Variants in SEZ6L observed in about 807,000 individuals in gnomAD.
The protein encoded by SEZ6L is seizure related 6 homolog like.
In SEZ6L, 37 loss-of-function variants were observed where a neutral mutation model predicts 106.2. That is an observed-to-expected ratio of 0.35 (90% CI 0.27 to 0.46). The LOEUF is 0.46. Among genes scored for constraint, SEZ6L ranks in the 20% least tolerant of loss-of-function variants. The probability of loss-of-function intolerance (pLI) is 1.00; values close to 1 mark genes in which losing one functional copy is unlikely to be tolerated. For missense variants in SEZ6L, 1,172 were observed against 1,332.8 expected (o/e 0.88, Z 1.88); for synonymous variants, 541 against 570.4 (o/e 0.95, Z 0.73).
chr22:26,316,089 C>T (rs1024761982), intron 9 of SEZ6L, among the ~76,000 whole-genome samples: 1 of 152,076 alleles, frequency 6.6e-6, no homozygotes, highest in Admixed American at 6.6e-5. Flanking sequence ...TTAAATAGAC[C>T]TCATCCTCTT....
chr22:26,357,902 C>T (rs1169319251), intron 12 of SEZ6L, among the ~76,000 whole-genome samples: 1 of 152,160 alleles, frequency 6.6e-6, no homozygotes, highest in Non-Finnish European at 1.5e-5. Context: ...ACAAATCCGG[C>T]AAGGGTTTTA....
At chr22:26,253,440 C>G (rs570666429) in intron 1 of SEZ6L, among the ~76,000 whole-genome samples, 4 of 152,106 alleles carry the variant, frequency 2.6e-5, no homozygotes, top group Non-Finnish European at 5.9e-5. Context: ...CTTTTACCCC[C>G]CTACTTGCAA....
At chr22:26,285,085 A>G (rs2080893165) in intron 1 of SEZ6L, among the ~76,000 whole-genome samples, 2 of 152,082 alleles carry the variant, frequency 1.3e-5, no homozygotes, top group African/African-American at 4.8e-5. Context: ...GATAGGGAAG[A>G]CCCCTGCTGC....
In SEZ6L at chr22:26,292,769, G is replaced by A; in HGVS notation, c.458G>A (p.Gly153Asp). ...QRAGSQPASQ[G>D]LDLLSSSTEK... ...GCAGGGTCCCAGCCAGCGTCCCAGG[G>A]CCTAGATCTCCTCTCCTCCTCCACG... Residue 153 changes from glycine to aspartate, a missense_variant, in exon 2 of 17, where the codon GGC becomes GAC. By Grantham distance (94) the Gly-to-Asp change is moderately conservative. Coordinates refer to ENST00000248933, the MANE Select transcript of SEZ6L (RefSeq NM_021115.5). 1 of 1,614,144 alleles carries A rather than the reference G, an allele frequency of 6.2e-7. No individual in the cohort carries two copies. The highest frequency in any genetic ancestry group is 8.5e-7 in the Non-Finnish European group (1 of 1,179,998).
chr22:26,254,524 G>A (rs776013290), intron 1 of SEZ6L, among the ~76,000 whole-genome samples: 14 of 152,198 alleles, frequency 9.2e-5, no homozygotes, highest in East Asian at 1.9e-4. Flanking sequence ...AGGCCACGGC[G>A]GGAGGATTGC....
chr22:26,255,791 G>A (rs2079796050), intron 1 of SEZ6L, among the ~76,000 whole-genome samples: 2 of 152,242 alleles, frequency 1.3e-5, no homozygotes, highest in African/African-American at 4.8e-5. Flanking sequence ...CTCAGGGAAG[G>A]CTTGGTGCTA....
intron 1 of SEZ6L, among the ~76,000 whole-genome samples, chr22:26,189,683 C>A (rs975151139): frequency 5.9e-5 from 9 of 152,096 alleles, no homozygotes; most frequent in African/African-American, 1.9e-4. Flanking sequence ...AAATACTACT[C>A]CATTTTCTAT....
intron 1 of SEZ6L, among the ~76,000 whole-genome samples, chr22:26,264,040 G>A (rs1331228100): frequency 6.6e-6 from 1 of 152,150 alleles, no homozygotes; most frequent in African/African-American, 2.4e-5. Flanking sequence ...CATTGCTTTT[G>A]ACAGAGCATC....
At chr22:26,199,025 A>C (rs1940760720) in intron 1 of SEZ6L, among the ~76,000 whole-genome samples, 1 of 152,224 alleles carries the variant, frequency 6.6e-6, no homozygotes, top group Non-Finnish European at 1.5e-5. Context: ...AAACGTCATG[A>C]CACATACAGC....
rs184696910 is a variant in SEZ6L, at chr22:26,192,603, T to A, written c.94+22840T>A. Among the ~76,000 whole-genome samples, 1,026 of 152,352 alleles carry A rather than the reference T, an allele frequency of 6.7e-3. 6 individuals carry two copies. The highest frequency in any genetic ancestry group is 0.012 in the Non-Finnish European group (797 of 68,020). On this transcript the variant is annotated intron_variant, in intron 1 of 16. Coordinates refer to ENST00000248933, the MANE Select transcript of SEZ6L (RefSeq NM_021115.5). ...CGGTATGTTGTGGAGGCATTTAATTTAAGCCTTTATTAATTTTGCTTTTGC... is the reference window on the plus strand; with the variant it reads ...CGGTATGTTGTGGAGGCATTTAATTAAAGCCTTTATTAATTTTGCTTTTGC...
intron 1 of SEZ6L, among the ~76,000 whole-genome samples, chr22:26,257,797 A>C (rs998585367): frequency 3.9e-5 from 6 of 152,182 alleles, no homozygotes; most frequent in Non-Finnish European, 7.4e-5. Flanking sequence ...GAGTTGCTGG[A>C]GCTTGGAGAA....
At chr22:26,339,457 T>G (rs1319016634) in intron 9 of SEZ6L, among the ~76,000 whole-genome samples, 2 of 152,270 alleles carry the variant, frequency 1.3e-5, no homozygotes, top group Non-Finnish European at 2.9e-5. Flanking sequence ...CACATGTTTC[T>G]GTGGTATAGT....
At chr22:26,212,077 G>A (rs2078177228) in intron 1 of SEZ6L, among the ~76,000 whole-genome samples, 3 of 152,060 alleles carry the variant, frequency 2.0e-5, no homozygotes, top group Admixed American at 6.6e-5. Flanking sequence ...AGGGGAGCAA[G>A]GACAGACTAT....
intron 10 of SEZ6L, among the ~76,000 whole-genome samples, chr22:26,344,655 C>T (rs942176662): frequency 8.5e-5 from 13 of 152,078 alleles, no homozygotes; most frequent in African/African-American, 2.7e-4. Flanking sequence ...TCCATGAGAC[C>T]GAAACCATGA....
chr22:26,281,745 C>G (rs562804053), intron 1 of SEZ6L, among the ~76,000 whole-genome samples: 1 of 152,236 alleles, frequency 6.6e-6, no homozygotes, highest in South Asian at 2.1e-4. Context: ...ACTAAGAAAT[C>G]CTAATTTAAA....
chr22:26,223,845 G>T (rs1274997240), intron 1 of SEZ6L, among the ~76,000 whole-genome samples: 1 of 152,162 alleles, frequency 6.6e-6, no homozygotes, highest in African/African-American at 2.4e-5. Flanking sequence ...TAGGGAGAAG[G>T]TGGTAGATTG....
chr22:26,362,127 C>T (rs1178486416), intron 12 of SEZ6L, among the ~76,000 whole-genome samples: 2 of 152,158 alleles, frequency 1.3e-5, no homozygotes, highest in East Asian at 3.9e-4. Flanking sequence ...TGAATGATTC[C>T]TTGCCAGCCC....
At chr22:26,301,552 T>C (rs1394436427) in intron 5 of SEZ6L, among the ~76,000 whole-genome samples, 1 of 152,178 alleles carries the variant, frequency 6.6e-6, no homozygotes, top group South Asian at 2.1e-4. Context: ...AGAGTGAGGA[T>C]GGAGAGGACA....
chr22:26,285,396 AG>A (rs1173741521), intron 1 of SEZ6L, among the ~76,000 whole-genome samples: 14 of 152,346 alleles, frequency 9.2e-5, no homozygotes, highest in Middle Eastern at 3.4e-3. Flanking sequence ...CAATGATACA[AG>A]CAACACAAAG....
Sources: allele counts gnomAD v4.1 joint callset (sites outside exome capture counted in the v4.1 genomes callset), GRCh38; gene constraint gnomAD v4.1.1; transcripts MANE v1.5; gene names NCBI Gene and HGNC (gene_info 2026-07-23, HGNC 2026-07-21).